The following FAT3 variants were observed in gnomAD, a reference collection of about 807,000 sequenced individuals.
The protein encoded by FAT3 is FAT atypical cadherin 3.
A neutral mutation model predicts 310.2 loss-of-function variants in FAT3; 95 were observed. That is an observed-to-expected ratio of 0.31 (90% confidence interval 0.26 to 0.36). The LOEUF (loss-of-function observed/expected upper bound fraction) is 0.36. FAT3 is among the 10% of genes least tolerant of loss of function. The probability of loss-of-function intolerance (pLI) is 1.00; values close to 1 mark genes in which losing one functional copy is unlikely to be tolerated. For missense variants in FAT3, 5,408 were observed against 5,715.6 expected (o/e 0.95, Z 1.74); for synonymous variants, 2,314 against 2,192.9 (o/e 1.06, Z -1.54).
At chr11:92,867,958 A>G (rs1949290304) in intron 22 of FAT3, among the ~76,000 whole-genome samples, 1 of 152,148 alleles carries the variant, frequency 6.6e-6, no homozygotes, top group African/African-American at 2.4e-5. Flanking sequence ...TTGAGGGGAA[A>G]GCCAAGATTA....
At chr11:92,647,323 G>A (rs1405306878) in intron 3 of FAT3, among the ~76,000 whole-genome samples, 1 of 152,046 alleles carries the variant, frequency 6.6e-6, no homozygotes, top group South Asian at 2.1e-4. Flanking sequence ...TTCATATACA[G>A]GAGGATGTTA....
chr11:92,369,981 G>A (rs1225264256), intron 2 of FAT3, among the ~76,000 whole-genome samples: 4 of 152,028 alleles, frequency 2.6e-5, no homozygotes, highest in Non-Finnish European at 4.4e-5. Context: ...AATATCTTTG[G>A]GAAATCACGA....
intron 1 of FAT3, among the ~76,000 whole-genome samples, chr11:92,330,751 A>T (rs1401236405): frequency 6.6e-6 from 1 of 152,172 alleles, no homozygotes; most frequent in Non-Finnish European, 1.5e-5. Context: ...GTAAATATTC[A>T]TTTGAATGTT....
chr11:92,328,839 G>A (rs1041099575), intron 1 of FAT3, among the ~76,000 whole-genome samples: 1 of 152,156 alleles, frequency 6.6e-6, no homozygotes, highest in South Asian at 2.1e-4. Flanking sequence ...GTGGCATAGA[G>A]AAGTGGGGAT....
intron 21 of FAT3, among the ~76,000 whole-genome samples, chr11:92,863,021 G>T (rs1437292147): frequency 6.6e-6 from 1 of 152,162 alleles, no homozygotes; most frequent in Non-Finnish European, 1.5e-5. Flanking sequence ...GGGCTGGGAT[G>T]ATTATGCATT....
At chr11:92,702,526 C>G (rs1260555230) in intron 4 of FAT3, among the ~76,000 whole-genome samples, 1 of 152,176 alleles carries the variant, frequency 6.6e-6, no homozygotes, top group African/African-American at 2.4e-5. Context: ...GAAGGCCTGG[C>G]ACACAGAGAT....
intron 1 of FAT3, among the ~76,000 whole-genome samples, chr11:92,236,617 T>C (rs1438758728): frequency 6.6e-6 from 1 of 152,218 alleles, no homozygotes; most frequent in Admixed American, 6.5e-5. Flanking sequence ...CACAGGAGCA[T>C]GAGAAATGTG....
chr11:92,253,540 T>G (rs1865208921), intron 1 of FAT3, among the ~76,000 whole-genome samples: 1 of 152,156 alleles, frequency 6.6e-6, no homozygotes, highest in Admixed American at 6.6e-5. Context: ...GTTTCTGCTC[T>G]GAGCTGTTCC....
chr11:92,782,959 C>T (rs1010177363), intron 7 of FAT3, among the ~76,000 whole-genome samples: 3 of 152,186 alleles, frequency 2.0e-5, no homozygotes, highest in Non-Finnish European at 4.4e-5. Flanking sequence ...TCACTTTTGC[C>T]AAAGCTGCTC....
At chr11:92,855,665 T>C (rs559503128) in intron 19 of FAT3, among the ~76,000 whole-genome samples, 66 of 152,172 alleles carry the variant, frequency 4.3e-4, no homozygotes, top group Non-Finnish European at 7.1e-4. Flanking sequence ...GACTACAGAT[T>C]TGGTTGGGGA....
chr11:92,491,212 G>A (rs562424041), intron 2 of FAT3, among the ~76,000 whole-genome samples: 1 of 152,152 alleles, frequency 6.6e-6, no homozygotes, highest in South Asian at 2.1e-4. Flanking sequence ...CTCTAGCTTA[G>A]TGACTCTCAG....
chr11:92,244,526 C>T (rs1017647019), intron 1 of FAT3, among the ~76,000 whole-genome samples: 3 of 152,108 alleles, frequency 2.0e-5, no homozygotes, highest in African/African-American at 7.2e-5. Flanking sequence ...TACTAATTTA[C>T]AGCAAGCACA....
chr11:92,831,726 G>A lies in FAT3; in HGVS notation c.9586G>A (p.Glu3196Lys). Reference protein sequence around the residue: ...IIILEQPLDREQQSSYNISVR... With the variant: ...IIILEQPLDRKQQSSYNISVR... ...CATCCTGGAGCAGCCACTGGACCGTGAGCAGCAGTCTTCGTACAACATCAG... is the reference window on the plus strand; with the variant it reads ...CATCCTGGAGCAGCCACTGGACCGTAAGCAGCAGTCTTCGTACAACATCAG... Residue 3196 changes from glutamate (E) to lysine (K), a missense_variant, in exon 14 of 28, where the codon GAG becomes AAG. This residue lies in a region of FAT3 where 4,588 missense variants were observed against 4,809.8 expected (regional missense o/e 0.95). Coordinates refer to ENST00000525166, the MANE Select transcript of FAT3 (RefSeq NM_001367949.2). 1 of 1,613,558 alleles carries A rather than the reference G, an allele frequency of 6.2e-7. No homozygotes were observed. Among genetic ancestry groups the A allele is most frequent in the Non-Finnish European group, 8.5e-7 (1 of 1,179,760 alleles).
intron 3 of FAT3, among the ~76,000 whole-genome samples, chr11:92,682,714 C>T (rs756246660): frequency 1.6e-4 from 24 of 152,068 alleles, no homozygotes; most frequent in African/African-American, 4.1e-4. Flanking sequence ...CTTGGGCAAA[C>T]GGGGATGGTT....
chr11:92,347,327 T>C (rs1948445658), intron 1 of FAT3, among the ~76,000 whole-genome samples: 1 of 152,202 alleles, frequency 6.6e-6, no homozygotes, highest in Non-Finnish European at 1.5e-5. Flanking sequence ...ATATTGACTT[T>C]GTTCTTTGCT....
At position 92,887,078 on chromosome 11, in the gene FAT3, T is replaced by C. The variant is rs1415774886; in HGVS notation, c.13016T>C (p.Leu4339Pro). Residue 4339 changes from leucine to proline, a missense_variant, in exon 25 of 28, where the codon CTC becomes CCC. Leu to Pro is a moderately conservative substitution (Grantham distance 98). Transcript: ENST00000525166. The stretch of plus-strand genomic sequence containing the variant: ...GGCAGCAACTCTGAAGTTCAGTCCC[T>C]CAGCTCCTTCCAGTCAGATTCTGGT... ...NKGSNSEVQS[L>P]SSFQSDSGDD... 4 of 1,611,886 alleles carry C rather than the reference T, an allele frequency of 2.5e-6. No individual in the cohort carries two copies. The highest frequency in any genetic ancestry group is 2.5e-6 in the Non-Finnish European group (3 of 1,179,230).
chr11:92,428,658 A>T lies in FAT3; in HGVS notation c.3292+73254A>T, dbSNP rs189729560. Among the ~76,000 whole-genome samples, 4 of 152,294 alleles carry T rather than the reference A, an allele frequency of 2.6e-5. No homozygotes were observed. The East Asian group carries it at 7.7e-4, about 29-fold the overall frequency. On this transcript the variant is annotated intron_variant, in intron 2 of 27. Transcript: ENST00000525166. ...ATTATTTACTCAGTAGTCATTCAGC[A>T]GCAGATTGTTCAGTTTCCATATAGT... is the stretch of plus-strand genomic sequence containing the variant.
At chr11:92,351,458 AATTCATTTGCACATAT>A (rs1181667336) in intron 1 of FAT3, among the ~76,000 whole-genome samples, 1 of 152,188 alleles carries the variant, frequency 6.6e-6, no homozygotes, top group African/African-American at 2.4e-5. Flanking sequence ...TAAATATAAA[AATTCATTTGCACATAT>A]AGGTGTTTAT....
intron 2 of FAT3, chr11:92,366,499 C>A: frequency 2.1e-6 from 1 of 465,534 alleles, no homozygotes; most frequent in Non-Finnish European, 4.3e-6. Context: ...CCAGCCCTCA[C>A]TTCTTGGCCT....
Sources: allele counts gnomAD v4.1 joint callset (sites outside exome capture counted in the v4.1 genomes callset), GRCh38; gene constraint gnomAD v4.1.1; regional missense constraint gnomAD v4.1.1; transcripts MANE v1.5; gene names NCBI Gene and HGNC (gene_info 2026-07-23, HGNC 2026-07-21).